The following PRIM2 variants were observed in gnomAD, a reference collection of about 807,000 sequenced individuals.
PRIM2 encodes the protein DNA primase large subunit.
In PRIM2, 39 loss-of-function variants were observed where a neutral mutation model predicts 67.3. That is an observed-to-expected ratio of 0.58 (90% CI 0.45 to 0.76). The LOEUF is 0.76. Ranked by LOEUF, PRIM2 falls within the 30% of genes least tolerant of loss-of-function variation. PRIM2 has a pLI of 0.00. For missense variants in PRIM2, 398 were observed against 598.7 expected, an observed-to-expected ratio of 0.66 and a Z score of 3.50; for synonymous variants, 143 against 198.7, an observed-to-expected ratio of 0.72 and a Z score of 2.36.
the PRIM2 span, among the ~76,000 whole-genome samples, chr6:57,295,991 A>G: frequency 6.6e-6 from 1 of 152,200 alleles, no homozygotes; most frequent in Non-Finnish European, 1.5e-5. Flanking sequence ...TGACATTTAT[A>G]ACCATATCAA....
intron 7 of PRIM2, among the ~76,000 whole-genome samples, chr6:57,396,682 C>T (rs1770525777): frequency 1.3e-5 from 2 of 152,206 alleles, no homozygotes; most frequent in Middle Eastern, 6.8e-3. Flanking sequence ...GGTACCGTTC[C>T]ATTCATTGTG....
chr6:57,550,760 C>T (rs1775385272), intron 10 of PRIM2, among the ~76,000 whole-genome samples: 2 of 151,950 alleles, frequency 1.3e-5, no homozygotes, highest in South Asian at 4.2e-4. Context: ...ATGTGGTACT[C>T]TTAGGGGAAA....
intron 7 of PRIM2, among the ~76,000 whole-genome samples, chr6:57,442,986 C>T (rs60600423): frequency 2.0e-4 from 31 of 152,178 alleles, no homozygotes; most frequent in African/African-American, 6.7e-4. Context: ...CTTCTGAGTT[C>T]GATTATTTTA....
chr6:57,470,051 ATTTT>A (rs1274884884), intron 7 of PRIM2, among the ~76,000 whole-genome samples: 3 of 152,098 alleles, frequency 2.0e-5, no homozygotes, highest in African/African-American at 7.2e-5. Flanking sequence ...CAGTCTTTCC[ATTTT>A]AACTTAAGTT....
At chr6:57,369,033 G>A (rs1391307925) in intron 5 of PRIM2, among the ~76,000 whole-genome samples, 4 of 152,278 alleles carry the variant, frequency 2.6e-5, no homozygotes, top group African/African-American at 9.6e-5. Flanking sequence ...AATAACACAC[G>A]TCACTTCCAC....
At chr6:57,257,561 G>A in the PRIM2 span, among the ~76,000 whole-genome samples, 1 of 152,248 alleles carries the variant, frequency 6.6e-6, no homozygotes, top group African/African-American at 2.4e-5. Context: ...GTGAGCCATC[G>A]CGCCCAGACT....
intron 7 of PRIM2, among the ~76,000 whole-genome samples, chr6:57,403,765 T>C (rs1770793567): frequency 6.6e-6 from 1 of 152,192 alleles, no homozygotes; most frequent in African/African-American, 2.4e-5. Flanking sequence ...TTTTAGAGTT[T>C]GTGTAGTAAT....
the PRIM2 span, among the ~76,000 whole-genome samples, chr6:57,287,751 T>G: frequency 1.1e-4 from 17 of 150,156 alleles, no homozygotes; most frequent in African/African-American, 3.9e-4. Context: ...GTTCAGCACA[T>G]GTATCCCAGA....
rs1773486711 is a variant in PRIM2, at chr6:57,476,733, T to C, written c.694-30654T>C. Among the ~76,000 whole-genome samples the C allele has an allele frequency of 3.3e-5, 5 of 152,226 alleles. No homozygotes were observed. The South Asian group carries it at 1.0e-3, about 32-fold the overall frequency. On this transcript the variant is annotated intron_variant, in intron 7 of 13. Transcript: ENST00000615550. ...TTGTGTAGTATAAGTAATTGCATGA[T>C]GTGATTATTTTTATATTTATTTATT...
chr6:57,457,881 C>T (rs113048665), intron 7 of PRIM2, among the ~76,000 whole-genome samples: 9 of 152,318 alleles, frequency 5.9e-5, no homozygotes, highest in East Asian at 1.9e-4. Flanking sequence ...GCGTTGCTCA[C>T]GCTGGGAGCT....
chr6:57,583,655 T>G (rs1264231399), intron 10 of PRIM2, among the ~76,000 whole-genome samples: 2 of 152,052 alleles, frequency 1.3e-5, no homozygotes, highest in Non-Finnish European at 2.9e-5. Context: ...TGTGTCTTTA[T>G]AGCAGCATGA....
chr6:57,509,567 G>A (rs1554347520), intron 8 of PRIM2, among the ~76,000 whole-genome samples: 67 of 152,048 alleles, frequency 4.4e-4, no homozygotes, highest in African/African-American at 1.2e-3. Context: ...GAGGAAGTCC[G>A]AACTTCTTAG....
At chr6:57,384,626 C>T (rs574559793) in intron 7 of PRIM2, among the ~76,000 whole-genome samples, 1 of 152,008 alleles carries the variant, frequency 6.6e-6, no homozygotes, top group Non-Finnish European at 1.5e-5. Flanking sequence ...ATGTGTCTGC[C>T]CCTTTAGATG....
chr6:57,222,446 A>G, the PRIM2 span: 2 of 152,286 alleles, frequency 1.3e-5, no homozygotes, highest in Non-Finnish European at 2.9e-5. Flanking sequence ...ATCAGAGACG[A>G]GCAGGATCTC....
intron 7 of PRIM2, among the ~76,000 whole-genome samples, chr6:57,458,694 C>T (rs1772895100): frequency 6.6e-6 from 1 of 150,550 alleles, no homozygotes; most frequent in South Asian, 2.1e-4. Context: ...TCAAAAAAGA[C>T]AAACAAACAA....
At chr6:57,306,560 G>A in the PRIM2 span, among the ~76,000 whole-genome samples, 2 of 152,138 alleles carry the variant, frequency 1.3e-5, no homozygotes, top group Admixed American at 6.5e-5. Context: ...GTCAGGGTTC[G>A]CTCCCTTCCC....
chr6:57,334,371 T>C (rs1768153453), intron 5 of PRIM2, among the ~76,000 whole-genome samples: 4 of 152,230 alleles, frequency 2.6e-5, no homozygotes, highest in Non-Finnish European at 5.9e-5. Flanking sequence ...GCAGTAAATA[T>C]GGGTGTGCAG....
At chr6:57,541,714 G>C (rs1775157955) in intron 10 of PRIM2, among the ~76,000 whole-genome samples, 1 of 152,140 alleles carries the variant, frequency 6.6e-6, no homozygotes, top group Non-Finnish European at 1.5e-5. Flanking sequence ...TTTAAAAAAT[G>C]AGGCCCCAGT....
intron 10 of PRIM2, among the ~76,000 whole-genome samples, chr6:57,581,668 T>G (rs1776085880): frequency 2.6e-5 from 4 of 152,204 alleles, no homozygotes; most frequent in Admixed American, 2.6e-4. Context: ...GGCCTCTATT[T>G]AAATAGTATG....
Sources: allele counts gnomAD v4.1 joint callset (sites outside exome capture counted in the v4.1 genomes callset), GRCh38; gene constraint gnomAD v4.1.1; transcripts MANE v1.5; gene names NCBI Gene and HGNC (gene_info 2026-07-23, HGNC 2026-07-21).